The following MTCL1 variants were observed in gnomAD, a reference collection of about 807,000 sequenced individuals.
MTCL1 encodes the protein microtubule cross-linking factor 1.
In MTCL1, 79 loss-of-function variants were observed where a neutral mutation model predicts 141.4. The observed-to-expected ratio is 0.56, with a 90% CI of 0.47 to 0.67. The LOEUF (loss-of-function observed/expected upper bound fraction) is 0.67. Among genes scored for constraint, MTCL1 ranks in the 30% least tolerant of loss-of-function variants. The pLI is 0.00. For missense variants in MTCL1, 2,177 were observed against 2,113.9 expected, an observed-to-expected ratio of 1.03 and a Z score of -0.59; for synonymous variants, 914 against 875.8, an observed-to-expected ratio of 1.04 and a Z score of -0.77.
At position 8,797,891 on chromosome 18, in the gene MTCL1, A is replaced by G. The variant is rs16954191; in HGVS notation, c.2242-206A>G. The stretch of plus-strand genomic sequence containing the variant: ...TAAAATTTCTCCCTAATGTCTTCTA[A>G]TAAGCTGAGCATCCACCCTGTGGTC... On this transcript the variant is annotated intron_variant, in intron 9 of 16. Coordinates refer to ENST00000359865, the Ensembl canonical transcript of MTCL1. Among the ~76,000 whole-genome samples, 23,179 of 152,262 alleles carry G rather than the reference A, an allele frequency of 0.15. 2,379 individuals carry two copies. The highest frequency in any genetic ancestry group is 0.26 in the African/African-American group (10,986 of 41,520).
chr18:8,831,814 G>A, exon 17 of MTCL1: 6 of 1,549,636 alleles, frequency 3.9e-6, no homozygotes, highest in African/African-American at 1.4e-5. Context: ...AAGCTTGCAT[G>A]GATTATCACA....
At chr18:8,755,345 G>A (rs1377188453) in intron 4 of MTCL1, among the ~76,000 whole-genome samples, 2 of 152,210 alleles carry the variant, frequency 1.3e-5, no homozygotes, top group African/African-American at 2.4e-5. Context: ...ACAAAGCACC[G>A]TGTTTAGTCC....
chr18:8,813,298 A>G (rs1473802852), intron 12 of MTCL1, 65 bp downstream of exon 11: 6 of 1,533,942 alleles, frequency 3.9e-6, no homozygotes, highest in Non-Finnish European at 5.3e-6. Flanking sequence ...TGGACCCAGA[A>G]AGCAAAAGCA....
exon 17 of MTCL1, chr18:8,831,687 G>A (rs373027846): frequency 3.3e-5 from 51 of 1,550,364 alleles, no homozygotes; most frequent in African/African-American, 6.8e-5. Context: ...GTCGCCCTCC[G>A]TCCCGTTGGG....
At position 8,731,652 on chromosome 18, in the gene MTCL1, A is replaced by C. The variant is rs575276394; in HGVS notation, c.357+11156A>C. Among the ~76,000 whole-genome samples, 8 of 152,376 alleles carry C rather than the reference A, an allele frequency of 5.3e-5. No individual in the cohort carries two copies. In the South Asian group the frequency reaches 1.7e-3, roughly 32 times the overall value. ...AGACTTTCACTAGGCAGTAAACTGCATCAAATTTGTAGCATTGTCTGTGCT... is the reference window on the plus strand; with the variant it reads ...AGACTTTCACTAGGCAGTAAACTGCCTCAAATTTGTAGCATTGTCTGTGCT... On this transcript the variant is annotated intron_variant, in intron 4 of 16. Transcript: ENST00000359865.
At chr18:8,793,986 CCTT>C (rs1246874952) in intron 8 of MTCL1, among the ~76,000 whole-genome samples, 1 of 152,192 alleles carries the variant, frequency 6.6e-6, no homozygotes, top group African/African-American at 2.4e-5. Context: ...GGAGTGAGCT[CCTT>C]CTCTGCACCT....
At chr18:8,769,394 T>A (rs935523022) in intron 4 of MTCL1, among the ~76,000 whole-genome samples, 2 of 152,248 alleles carry the variant, frequency 1.3e-5, no homozygotes, top group Non-Finnish European at 2.9e-5. Context: ...ACTGTAGTTA[T>A]AATTTACAGT....
intron 9 of MTCL1, among the ~76,000 whole-genome samples, chr18:8,797,408 C>T (rs1345391241): frequency 6.6e-6 from 1 of 152,182 alleles, no homozygotes; most frequent in Non-Finnish European, 1.5e-5. Flanking sequence ...CTTCTGTTTG[C>T]TTTTGTATTG....
intron 12 of MTCL1, among the ~76,000 whole-genome samples, chr18:8,814,780 C>T (rs1378983649): frequency 1.3e-5 from 2 of 152,186 alleles, no homozygotes; most frequent in South Asian, 2.1e-4. Flanking sequence ...TGCCCTTCGC[C>T]TGTTAGCCAT....
At chr18:8,727,875 C>T (rs112311228) in intron 4 of MTCL1, among the ~76,000 whole-genome samples, 2 of 123,156 alleles carry the variant, frequency 1.6e-5, no homozygotes, top group African/African-American at 6.5e-5. Flanking sequence ...TCTCTCTCTC[C>T]CTGCTTCCCT....
Position 8,813,249 on chromosome 18 carries a change from G to A in MTCL1, c.2859+16G>A, listed in dbSNP as rs763361059. On this transcript the variant is annotated intron_variant, in intron 12 of 16. Transcript: ENST00000359865. Reference sequence around the variant, plus strand: ...GATAGAGCAGGTAAGGAGGCACCCCGGGGCCCTGGAGCATAGGCACAGAGT... The same window carrying A: ...GATAGAGCAGGTAAGGAGGCACCCCAGGGCCCTGGAGCATAGGCACAGAGT... 32 of 1,607,304 alleles carry A rather than the reference G, an allele frequency of 2.0e-5. 1 individual carries two copies. The highest frequency in any genetic ancestry group is 1.8e-4 in the East Asian group (8 of 44,682).
chr18:8,814,065 C>T (rs1273963374), intron 12 of MTCL1, among the ~76,000 whole-genome samples: 1 of 152,126 alleles, frequency 6.6e-6, no homozygotes, highest in East Asian at 1.9e-4. Flanking sequence ...AGAAATTGAG[C>T]TCAGGAAAAA....
upstream of MTCL1, among the ~76,000 whole-genome samples, chr18:8,716,012 A>G (rs1222160122): frequency 6.6e-6 from 1 of 152,238 alleles, no homozygotes; most frequent in African/African-American, 2.4e-5. Context: ...GTTCCAGCAG[A>G]TCTTCCCACA....
At chr18:8,789,567 G>A in intron 7 of MTCL1, 1 of 985,424 alleles carries the variant, frequency 1.0e-6, no homozygotes, top group Non-Finnish European at 1.2e-6. Flanking sequence ...GGGAAGACAT[G>A]GACGGGAGTT....
At chr18:8,799,826 A>C (rs917476470) in intron 10 of MTCL1, among the ~76,000 whole-genome samples, 8 of 152,230 alleles carry the variant, frequency 5.3e-5, no homozygotes, top group Non-Finnish European at 7.3e-5. Context: ...AGGGTGGAAA[A>C]TAACGTGAAG....
chr18:8,733,148 T>A (rs1283646678), intron 4 of MTCL1, among the ~76,000 whole-genome samples: 1 of 152,180 alleles, frequency 6.6e-6, no homozygotes, highest in Non-Finnish European at 1.5e-5. Flanking sequence ...ACGCAGTGCC[T>A]GGGAGCCAGG....
chr18:8,786,830 G>A (rs2096557877), intron 7 of MTCL1: 1 of 167,100 alleles, frequency 6.0e-6, no homozygotes, highest in African/African-American at 2.4e-5. Flanking sequence ...CTTGCCATTG[G>A]GGACTGTCAA....
At chr18:8,714,268 GT>G (rs1290057036), upstream of MTCL1, among the ~76,000 whole-genome samples, 1 of 152,062 alleles carries the variant, frequency 6.6e-6, no homozygotes, top group Non-Finnish European at 1.5e-5. Context: ...CCTCAGTTTT[GT>G]TTTTTTGTCT....
At position 8,828,248 on chromosome 18, in the gene MTCL1, GGCATCCA is replaced by G; in HGVS notation, c.4723-659_4723-653del. On this transcript the variant is annotated intron_variant, in intron 15 of 16. Transcript: ENST00000359865. The surrounding 1 kb of genome is among the most constrained non-coding windows in gnomAD (Gnocchi z 5.2). ...GAATCTTTCCCCGAATGTTCACTCA[GGCATCCA>G]CACCCAGGAGTGATGCAGGTGACAA... is the stretch of plus-strand genomic sequence containing the variant. Among the ~76,000 whole-genome samples the G allele has an allele frequency of 6.6e-6, 1 of 152,254 alleles. No individual in the cohort carries two copies. The highest frequency in any genetic ancestry group is 2.4e-5 in the African/African-American group (1 of 41,524).
Sources: gnomAD v4.1 joint callset for allele counts (sites outside exome capture counted in the v4.1 genomes callset) on GRCh38, gnomAD v4.1.1 for gene constraint, Gnocchi (gnomAD v3.1) non-coding constraint, MANE v1.5 for transcripts, NCBI Gene and HGNC (gene_info 2026-07-23, HGNC 2026-07-21) for gene names.